Variants in DNAH11 observed in about 807,000 individuals in gnomAD.
DNAH11 encodes the protein axonemal beta dynein heavy chain 11.
Under a neutral mutation model 526.0 loss-of-function variants are expected in DNAH11, and 442 were observed. That is an observed-to-expected ratio of 0.84 (90% confidence interval 0.78 to 0.91). The LOEUF (loss-of-function observed/expected upper bound fraction) is 0.91. DNAH11 is among the 40% of genes least tolerant of loss of function. The pLI is 0.00. For missense variants in DNAH11, 6,989 were observed against 5,448.7 expected, an observed-to-expected ratio of 1.28 and a Z score of -8.90; for synonymous variants, 2,461 against 1,935.9, an observed-to-expected ratio of 1.27 and a Z score of -7.12.
intron 30 of DNAH11, among the ~76,000 whole-genome samples, chr7:21,675,160 T>G (rs572714595): frequency 6.6e-6 from 1 of 152,332 alleles, no homozygotes; most frequent in Admixed American, 6.5e-5. Context: ...TCACCCCACT[T>G]TCTAGACCTT....
intron 34 of DNAH11, among the ~76,000 whole-genome samples, chr7:21,689,297 C>A (rs1284468978): frequency 6.6e-6 from 1 of 152,182 alleles, no homozygotes; most frequent in East Asian, 1.9e-4. Flanking sequence ...TGTAACTGAT[C>A]CATGTACTGA....
rs556946390 is a variant in DNAH11 at position 21,746,828 on chromosome 7, C to T, written c.8511-1752C>T. 2.0e-5 allele frequency among the ~76,000 whole-genome samples: 3 copies of T among 152,136 alleles called. No homozygotes were observed. In the East Asian group the frequency reaches 5.8e-4, roughly 29 times the overall value. On this transcript the variant is annotated intron_variant, in intron 51 of 81. Coordinates refer to ENST00000409508, the MANE Select transcript of DNAH11 (RefSeq NM_001277115.2). ...GGAAGTTTCAGTTGGAATCTAAAAC[C>T]ATGGTGTTAAATCAACTATTAGTAA... is the stretch of plus-strand genomic sequence containing the variant.
rs761102719 is a variant in DNAH11, at chr7:21,779,069, C to T, written c.9448C>T (p.Arg3150Trp). The change falls in exon 57 of 82, where the codon CGG becomes TGG. Residue 3150 changes from arginine (R) to tryptophan (W), a missense_variant. Physicochemically the swap from Arg to Trp is moderately radical, Grantham distance 101. Coordinates refer to ENST00000409508, the MANE Select transcript of DNAH11 (RefSeq NM_001277115.2). ...CGGCCTTCAGACGGAGAAAGTGAGC[C>T]GGGAAAAGACCATCGCTGATGCTGA... ...KIGLQTEKVS[R>W]EKTIADAEER... 1.9e-5 allele frequency: 30 copies of T among 1,613,028 alleles called. No homozygotes were observed. The highest frequency in any genetic ancestry group is 1.6e-4 in the South Asian group (15 of 91,006).
At chr7:21,828,890 T>C (rs1411160384) in intron 65 of DNAH11, among the ~76,000 whole-genome samples, 1 of 152,082 alleles carries the variant, frequency 6.6e-6, no homozygotes, top group African/African-American at 2.4e-5. Flanking sequence ...TTATATTAAC[T>C]GTATGAAGCA....
At chr7:21,734,304 A>G (rs1301822490) in intron 45 of DNAH11, among the ~76,000 whole-genome samples, 1 of 152,256 alleles carries the variant, frequency 6.6e-6, no homozygotes, top group African/African-American at 2.4e-5. Flanking sequence ...TACCTGCCAC[A>G]TACTCATTTC....
At chr7:21,713,910 C>G (rs1784551096) in intron 42 of DNAH11, among the ~76,000 whole-genome samples, 1 of 152,150 alleles carries the variant, frequency 6.6e-6, no homozygotes, top group African/African-American at 2.4e-5. Context: ...GATTCTGTCT[C>G]CTGGGATGCT....
At chr7:21,892,778 T>C (rs939138282) in intron 77 of DNAH11, 111 bp downstream of exon 77, 3 of 1,222,880 alleles carry the variant, frequency 2.5e-6, no homozygotes, top group African/African-American at 3.0e-5. Context: ...GTTTTACTCA[T>C]ACAACCACCA....
rs370239008 is a variant in DNAH11, at chr7:21,636,037, T to C, written c.4667T>C (p.Ile1556Thr). 1.4e-5 allele frequency: 23 copies of C among 1,613,530 alleles called. No homozygotes were observed. The African/African-American group carries it at 2.4e-4, about 17-fold the overall frequency. ...AGCATTTTTGTCTGTTCAGAAGATA[T>C]TCGAATCCAGCTTGTGAAAGATGCT... ...LESIFVCSED[I>T]RIQLVKDARR... Residue 1556 changes from isoleucine (I) to threonine (T), a missense_variant, in exon 26 of 82, where the codon ATT becomes ACT. Ile to Thr is a moderately conservative substitution (Grantham distance 89). Coordinates refer to ENST00000409508, the MANE Select transcript of DNAH11 (RefSeq NM_001277115.2).
chr7:21,757,322 T>C (rs919680977), intron 54 of DNAH11, among the ~76,000 whole-genome samples: 1 of 152,236 alleles, frequency 6.6e-6, no homozygotes, highest in Non-Finnish European at 1.5e-5. Context: ...CTTTCCATCA[T>C]TGAGTATGGG....
At chr7:21,594,326 C>T (rs1239193155) in intron 14 of DNAH11, among the ~76,000 whole-genome samples, 1 of 152,174 alleles carries the variant, frequency 6.6e-6, no homozygotes, top group African/African-American at 2.4e-5. Flanking sequence ...TCATCATTCA[C>T]TTATTTGAGA....
intron 25 of DNAH11, among the ~76,000 whole-genome samples, chr7:21,629,093 A>T (rs73072263): frequency 6.6e-6 from 1 of 151,674 alleles, no homozygotes; most frequent in African/African-American, 2.4e-5. Context: ...ATAGATTTTG[A>T]TATGTTTTAT....
intron 9 of DNAH11, among the ~76,000 whole-genome samples, chr7:21,585,011 CTT>C (rs550367897): frequency 6.6e-6 from 1 of 152,068 alleles, no homozygotes; most frequent in South Asian, 2.1e-4. Context: ...TCAAGTCTCT[CTT>C]TTTCACAACC....
In DNAH11 at chr7:21,658,999, G is replaced by A. The variant is rs371235859; in HGVS notation, c.5296G>A (p.Glu1766Lys). The A allele has an allele frequency of 2.9e-5, 47 of 1,606,502 alleles. No homozygotes were observed. The highest frequency in any genetic ancestry group is 4.5e-5 in the East Asian group (2 of 44,570). Residue 1766 changes from glutamate to lysine, a missense_variant, in exon 30 of 82, where the codon GAA (glutamate) becomes AAA (lysine). By Grantham distance (56) the Glu-to-Lys change is moderately conservative. Coordinates refer to ENST00000409508, the MANE Select transcript of DNAH11 (RefSeq NM_001277115.2). ...IAFSRLEEGYETALKDFHKKQ... is the reference protein window; with the variant it reads ...IAFSRLEEGYKTALKDFHKKQ... ...CTTCAGTAGACTGGAAGAAGGCTACGAAACAGCCCTGAAGGATTTCCATAA... is the reference window on the plus strand; with the variant it reads ...CTTCAGTAGACTGGAAGAAGGCTACAAAACAGCCCTGAAGGATTTCCATAA...
At chr7:21,780,889 G>T (rs1440987832) in intron 57 of DNAH11, among the ~76,000 whole-genome samples, 1 of 152,202 alleles carries the variant, frequency 6.6e-6, no homozygotes, top group African/African-American at 2.4e-5. Flanking sequence ...TTACATTGCA[G>T]TGGAAAAGAC....
chr7:21,888,739 C>T (rs976184929), intron 76 of DNAH11, among the ~76,000 whole-genome samples: 3 of 152,070 alleles, frequency 2.0e-5, no homozygotes, highest in Non-Finnish European at 2.9e-5. Context: ...CTGCCCACCT[C>T]GGCCTCCCAA....
chr7:21,577,148 C>T lies in DNAH11; in HGVS notation c.1594-4757C>T, dbSNP rs368463872. Among the ~76,000 whole-genome samples the T allele has an allele frequency of 9.2e-5, 14 of 152,268 alleles. 1 individual carries two copies. The East Asian group carries it at 1.4e-3, about 15-fold the overall frequency. ...CTGGCAACCAGGAAATGCCAGTGGG[C>T]ACAGACCAGAAAGAAGCCCAGTAAA... On this transcript the variant is annotated intron_variant, in intron 8 of 81. Coordinates refer to ENST00000409508, the MANE Select transcript of DNAH11 (RefSeq NM_001277115.2).
chr7:21,894,569 C>G (rs566590798), intron 77 of DNAH11, 54 bp from the exon 78 acceptor site: 20 of 1,568,588 alleles, frequency 1.3e-5, no homozygotes, highest in Non-Finnish European at 1.7e-5. Flanking sequence ...TACACAGTCA[C>G]CATGACGAAA....
intron 30 of DNAH11, among the ~76,000 whole-genome samples, chr7:21,672,787 C>A (rs73682670): frequency 6.6e-6 from 1 of 152,192 alleles, no homozygotes; most frequent in Non-Finnish European, 1.5e-5. Context: ...ACGGTATGGC[C>A]TCTTTCTACC....
chr7:21,894,839 C>T (rs142188361), intron 78 of DNAH11, 34 bp downstream of exon 78: 1 of 1,611,586 alleles, frequency 6.2e-7, no homozygotes, highest in African/African-American at 1.3e-5. Context: ...TAGACTTCAG[C>T]ACATTGGAAG....
Sources: gnomAD v4.1 joint callset for allele counts (sites outside exome capture counted in the v4.1 genomes callset) on GRCh38, gnomAD v4.1.1 for gene constraint, MANE v1.5 for transcripts, NCBI Gene and HGNC (gene_info 2026-07-23, HGNC 2026-07-21) for gene names.